KCNQ5: variants seen among roughly 807,000 people sequenced by gnomAD.
The protein encoded by KCNQ5 is potassium voltage-gated channel subfamily KQT member 5.
Under a neutral mutation model 98.2 loss-of-function variants are expected in KCNQ5, and 30 were observed. That is an observed-to-expected ratio of 0.31 (90% CI 0.23 to 0.41). KCNQ5 has a LOEUF of 0.41. Among genes scored for constraint, KCNQ5 ranks in the 10% least tolerant of loss-of-function variants. KCNQ5 has a pLI of 1.00. For missense variants in KCNQ5, 835 were observed against 1,182.5 expected (o/e 0.71, Z 4.31); for synonymous variants, 458 against 449.4 (o/e 1.02, Z -0.24).
chr6:72,820,440 G>T (rs1291884539), intron 1 of KCNQ5, among the ~76,000 whole-genome samples: 1 of 151,858 alleles, frequency 6.6e-6, no homozygotes, highest in Non-Finnish European at 1.5e-5. Context: ...AACAAATCTA[G>T]TCACCCTTTA....
intron 1 of KCNQ5, among the ~76,000 whole-genome samples, chr6:72,908,036 C>A (rs1779775528): frequency 6.6e-6 from 1 of 151,878 alleles, no homozygotes; most frequent in Non-Finnish European, 1.5e-5. Flanking sequence ...ATTATCATAA[C>A]CCTTGAAATT....
intron 2 of KCNQ5, among the ~76,000 whole-genome samples, chr6:73,034,279 G>C (rs554708383): frequency 6.6e-6 from 1 of 152,264 alleles, no homozygotes; most frequent in Admixed American, 6.5e-5. Context: ...GTTACTTTAA[G>C]TATATGCACA....
intron 1 of KCNQ5, among the ~76,000 whole-genome samples, chr6:72,783,237 T>A (rs574682320): frequency 6.6e-6 from 1 of 152,292 alleles, no homozygotes; most frequent in Admixed American, 6.5e-5. Flanking sequence ...AAAGCTGACC[T>A]ATAAAATATA....
chr6:72,744,370 T>A (rs1214236451), intron 1 of KCNQ5, among the ~76,000 whole-genome samples: 1 of 152,236 alleles, frequency 6.6e-6, no homozygotes, highest in Non-Finnish European at 1.5e-5. Flanking sequence ...GAATTATAGA[T>A]GTGTACTGCC....
At chr6:73,132,206 C>G (rs1192839985) in intron 9 of KCNQ5, among the ~76,000 whole-genome samples, 5 of 152,104 alleles carry the variant, frequency 3.3e-5, no homozygotes, top group African/African-American at 4.8e-5. Context: ...CTCAAATAAG[C>G]CTTATCCATG....
intron 1 of KCNQ5, among the ~76,000 whole-genome samples, chr6:72,741,015 A>T (rs760614651): frequency 6.6e-6 from 1 of 152,194 alleles, no homozygotes; most frequent in Non-Finnish European, 1.5e-5. Context: ...TGAAAAACTT[A>T]AAAGTGTCAG....
intron 9 of KCNQ5, among the ~76,000 whole-genome samples, chr6:73,127,734 G>C (rs1233524786): frequency 6.6e-6 from 1 of 152,164 alleles, no homozygotes; most frequent in Admixed American, 6.5e-5. Context: ...AAGGAAAAAT[G>C]TCACATTATT....
chr6:72,837,026 C>T (rs561704915), intron 1 of KCNQ5, among the ~76,000 whole-genome samples: 13 of 152,226 alleles, frequency 8.5e-5, no homozygotes, highest in African/African-American at 3.1e-4. Context: ...GGAAAATTTG[C>T]ATATTTCTGT....
In KCNQ5 at chr6:72,869,299, C is replaced by T. The variant is rs115118507; in HGVS notation, c.399-134609C>T. ...TGTCAAACCGGAATTCCTTCTATCC[C>T]GGACATGTGGGGATCTGAGCTTGGG... On this transcript the variant is annotated intron_variant, in intron 1 of 13. Transcript: ENST00000370398. 8.4e-3 allele frequency among the ~76,000 whole-genome samples: 1,273 copies of T among 152,188 alleles called. 14 individuals are homozygous for T. Among genetic ancestry groups the T allele is most frequent in the African/African-American group, 0.027 (1,127 of 41,516 alleles).
intron 1 of KCNQ5, among the ~76,000 whole-genome samples, chr6:72,627,866 A>C (rs2154471451): frequency 6.6e-6 from 1 of 152,242 alleles, no homozygotes; most frequent in Non-Finnish European, 1.5e-5. Context: ...TGTTTCTTCA[A>C]AGTACAGTTC....
intron 5 of KCNQ5, among the ~76,000 whole-genome samples, chr6:73,086,082 A>G (rs868567638): frequency 6.6e-6 from 1 of 152,184 alleles, no homozygotes; most frequent in Non-Finnish European, 1.5e-5. Context: ...TGAGAATTCC[A>G]TATTAATACT....
rs1363421757 is a variant in KCNQ5, at chr6:73,197,741, A to G, written c.*2327A>G. 1 of 152,236 alleles carries G rather than the reference A, an allele frequency of 6.6e-6. No homozygotes were observed. Among genetic ancestry groups the G allele is most frequent in the East Asian group, 1.9e-4 (1 of 5,172 alleles). 9.4% of individuals were successfully genotyped at this position (152,236 alleles called of 1,614,324 possible). ...AGGGAGGCAGCAACTTTCAGGTAGC[A>G]CTGATTCTTGGACATACTCTGTCCT... is the stretch of plus-strand genomic sequence containing the variant. On this transcript the variant is annotated 3_prime_UTR_variant, in exon 14 of 14. Transcript: ENST00000370398.
chr6:72,744,498 T>C (rs1771280040), intron 1 of KCNQ5, among the ~76,000 whole-genome samples: 1 of 152,108 alleles, frequency 6.6e-6, no homozygotes, highest in African/African-American at 2.4e-5. Flanking sequence ...TAGACAGCTA[T>C]ACAAAAGTGA....
intron 1 of KCNQ5, among the ~76,000 whole-genome samples, chr6:72,832,440 C>A (rs1582378371): frequency 6.6e-6 from 1 of 152,064 alleles, no homozygotes; most frequent in South Asian, 2.1e-4. Context: ...CCACTGGCAT[C>A]CCTGGGTAGA....
chr6:73,149,682 C>T (rs1267878653), intron 10 of KCNQ5, among the ~76,000 whole-genome samples: 2 of 151,792 alleles, frequency 1.3e-5, no homozygotes, highest in East Asian at 3.9e-4. Flanking sequence ...CTGTAATCCC[C>T]GCTACTCAGG....
At chr6:73,131,587 C>T (rs1364126297) in intron 9 of KCNQ5, among the ~76,000 whole-genome samples, 2 of 69,456 alleles carry the variant, frequency 2.9e-5, no homozygotes, top group Non-Finnish European at 6.1e-5. Context: ...AGATTTGAAA[C>T]TTTTACAATT....
At chr6:73,169,266 A>T (rs999610726) in intron 10 of KCNQ5, among the ~76,000 whole-genome samples, 1 of 152,198 alleles carries the variant, frequency 6.6e-6, no homozygotes, top group African/African-American at 2.4e-5. Context: ...AGTAACTAAT[A>T]AGTAGTCAGC....
chr6:73,104,627 A>G (rs918659531), intron 5 of KCNQ5, among the ~76,000 whole-genome samples: 9 of 152,278 alleles, frequency 5.9e-5, no homozygotes, highest in Middle Eastern at 3.4e-3. Flanking sequence ...AAGCCCAGGT[A>G]TGATGACATC....
intron 1 of KCNQ5, among the ~76,000 whole-genome samples, chr6:72,972,468 A>G (rs1405344243): frequency 6.6e-6 from 1 of 151,668 alleles, no homozygotes; most frequent in African/African-American, 2.4e-5. Flanking sequence ...GCATCTATTG[A>G]CCCATCCCCT....
Sources: allele counts gnomAD v4.1 joint callset (sites outside exome capture counted in the v4.1 genomes callset), GRCh38; gene constraint gnomAD v4.1.1; transcripts MANE v1.5; gene names NCBI Gene and HGNC (gene_info 2026-07-23, HGNC 2026-07-21).